HIBCH: variants seen among roughly 807,000 people sequenced by gnomAD.
HIBCH encodes the protein 3-hydroxyisobutyryl-CoA hydrolase, mitochondrial.
A neutral mutation model predicts 58.2 loss-of-function variants in HIBCH; 50 were observed. The observed-to-expected ratio is 0.86, with a 90% confidence interval of 0.68 to 1.09. HIBCH has a LOEUF of 1.09. HIBCH is among the 50% of genes least tolerant of loss of function. The pLI is 0.00. For missense variants in HIBCH, 450 were observed against 449.7 expected (o/e 1.00, Z -0.01); for synonymous variants, 151 against 146.9 (o/e 1.03, Z -0.20).
chr2:190,221,622 T>C (rs1685722786), intron 11 of HIBCH, among the ~76,000 whole-genome samples: 1 of 152,086 alleles, frequency 6.6e-6, no homozygotes, highest in Admixed American at 6.5e-5. Flanking sequence ...CGGTCCAAAG[T>C]GAGAACACAC....
At chr2:190,264,509 T>A (rs1023500426) in intron 6 of HIBCH, among the ~76,000 whole-genome samples, 1 of 152,282 alleles carries the variant, frequency 6.6e-6, no homozygotes, top group East Asian at 1.9e-4. Flanking sequence ...AACAAAGGAT[T>A]AGAGTTTTTT....
Position 190,306,517 on chromosome 2 carries a change from A to G in HIBCH, c.78+4237T>C, listed in dbSNP as rs1688410778. ...GTTTCCCAAATTGCATGACAGTTGTACTGTCATGCAATATACTGCATATGC... is the reference window on the plus strand; with the variant it reads ...GTTTCCCAAATTGCATGACAGTTGTGCTGTCATGCAATATACTGCATATGC... On this transcript the variant is annotated intron_variant, in intron 2 of 13. Coordinates refer to ENST00000359678, the MANE Select transcript of HIBCH (RefSeq NM_014362.4). The surrounding 1 kb of genome is among the most constrained non-coding windows in gnomAD (Gnocchi z 4.6). Among the ~76,000 whole-genome samples the G allele has an allele frequency of 6.6e-6, 1 of 152,128 alleles. No individual in the cohort carries two copies. The highest frequency in any genetic ancestry group is 1.5e-5 in the Non-Finnish European group (1 of 68,034).
intron 6 of HIBCH, among the ~76,000 whole-genome samples, chr2:190,270,977 CAACA>C (rs1193002444): frequency 6.6e-6 from 1 of 151,928 alleles, no homozygotes; most frequent in Non-Finnish European, 1.5e-5. Context: ...TGATATTCAA[CAACA>C]AATAATTGAG....
chr2:190,238,705 C>T lies in HIBCH; in HGVS notation c.891+6182G>A, dbSNP rs566111020. ...GTCCTGAACTCCTGACCTCGTGATC[C>T]GCCCTCTGTGGCCCCCCAAAGTGCT... On this transcript the variant is annotated intron_variant, in intron 11 of 13. Coordinates refer to ENST00000359678, the MANE Select transcript of HIBCH (RefSeq NM_014362.4). Among the ~76,000 whole-genome samples the T allele has an allele frequency of 3.9e-5, 6 of 152,322 alleles. No homozygotes were observed. The South Asian group carries it at 6.2e-4, about 16-fold the overall frequency.
intron 5 of HIBCH, 147 bp from the exon 6 acceptor site, chr2:190,287,785 A>G (rs936365747): frequency 7.6e-5 from 49 of 645,260 alleles, no homozygotes; most frequent in Non-Finnish European, 1.3e-4. Flanking sequence ...TATGGCTTAT[A>G]AAATACATAT....
intron 6 of HIBCH, among the ~76,000 whole-genome samples, chr2:190,265,408 G>A (rs886796127): frequency 6.7e-6 from 1 of 149,650 alleles, no homozygotes; most frequent in African/African-American, 2.5e-5. Flanking sequence ...TTTGTGAAAT[G>A]TCTGTTCTAA....
intron 6 of HIBCH, among the ~76,000 whole-genome samples, chr2:190,268,014 C>T (rs1687289600): frequency 6.6e-6 from 1 of 152,092 alleles, no homozygotes; most frequent in South Asian, 2.1e-4. Flanking sequence ...CATCCTAGGA[C>T]TCAAAAATAT....
At chr2:190,278,588 A>G (rs1195191217) in intron 6 of HIBCH, among the ~76,000 whole-genome samples, 1 of 150,942 alleles carries the variant, frequency 6.6e-6, no homozygotes. Context: ...TTTAGAAAAA[A>G]GTCACAGGAG....
chr2:190,218,796 CA>C (rs1685636714), intron 11 of HIBCH, among the ~76,000 whole-genome samples: 1 of 151,392 alleles, frequency 6.6e-6, no homozygotes, highest in Admixed American at 6.6e-5. Context: ...ATGAGACTTG[CA>C]AAAGTTTATT....
chr2:190,196,868 T>C (rs1162080950), intron 1 of HIBCH, among the ~76,000 whole-genome samples: 1 of 152,192 alleles, frequency 6.6e-6, no homozygotes, highest in Non-Finnish European at 1.5e-5. Context: ...CCATTCAGGA[T>C]GGTATAACAA....
At chr2:190,265,399 TTGTGAAATGTCTGTTCTAATCTTTTGC>T (rs1327108200) in intron 6 of HIBCH, among the ~76,000 whole-genome samples, 1 of 152,084 alleles carries the variant, frequency 6.6e-6, no homozygotes, top group Non-Finnish European at 1.5e-5. Context: ...GGTATCCTCT[TTGTGAAATGTCTGTTCTAATCTTTTGC>T]TGTGAAACGT....
chr2:190,209,038 A>AGGTGGTTCAGTCTCT lies in HIBCH; in HGVS notation c.1012-126_1012-125insAGAGACTGAACCACC. 3 of 799,888 alleles carry AGGTGGTTCAGTCTCT rather than the reference A, an allele frequency of 3.8e-6. No homozygotes were observed. The highest frequency in any genetic ancestry group is 6.4e-6 in the Non-Finnish European group (3 of 470,794). 49.5% of individuals were successfully genotyped at this position (799,888 alleles called of 1,614,324 possible). A position where few individuals can be genotyped will look rare whatever the true frequency, so the allele number is the denominator to read the frequency against. On this transcript the variant is annotated intron_variant, in intron 12 of 13. Transcript: ENST00000359678. This position sits in a 1 kb window ranked among gnomAD's most constrained non-coding sequence, Gnocchi z 5.6. The stretch of plus-strand genomic sequence containing the variant: ...CCACAACCTGAACCATGACATTCAG[A>AGGTGGTTCAGTCTCT]GACTGAACCACCTCTGATAGCCCAC...
intron 11 of HIBCH, among the ~76,000 whole-genome samples, chr2:190,220,943 T>C (rs1685702010): frequency 6.6e-6 from 1 of 152,172 alleles, no homozygotes; most frequent in Non-Finnish European, 1.5e-5. Flanking sequence ...GTTTACTGCT[T>C]ATGGTTTCCA....
intron 6 of HIBCH, among the ~76,000 whole-genome samples, chr2:190,269,537 C>A (rs1003704412): frequency 6.6e-6 from 1 of 152,116 alleles, no homozygotes; most frequent in Non-Finnish European, 1.5e-5. Flanking sequence ...CATCTCACAC[C>A]AGTTAGAATG....
intron 1 of HIBCH, among the ~76,000 whole-genome samples, chr2:190,198,399 G>A (rs1487289089): frequency 6.6e-6 from 1 of 152,074 alleles, no homozygotes; most frequent in Non-Finnish European, 1.5e-5. Flanking sequence ...CAAGCACTTT[G>A]GGAGGCTGAG....
At chr2:190,287,216 C>T (rs1333146012) in intron 6 of HIBCH, among the ~76,000 whole-genome samples, 1 of 152,046 alleles carries the variant, frequency 6.6e-6, no homozygotes, top group African/African-American at 2.4e-5. Context: ...TGTGTGCCAC[C>T]ATGCTCAGCT....
intron 2 of HIBCH, among the ~76,000 whole-genome samples, chr2:190,303,081 C>T (rs936345816): frequency 1.2e-4 from 18 of 152,180 alleles, no homozygotes; most frequent in African/African-American, 4.1e-4. Context: ...CAGAATGAAC[C>T]CTGACCTATG....
Position 190,236,359 on chromosome 2 carries a change from T to C in HIBCH, c.891+8528A>G, listed in dbSNP as rs1393595969. Among the ~76,000 whole-genome samples, 2 of 130,342 alleles carry C rather than the reference T, an allele frequency of 1.5e-5. No individual in the cohort carries two copies. The highest frequency in any genetic ancestry group is 3.3e-5 in the African/African-American group (1 of 30,558). 85.5% of individuals were successfully genotyped at this position (130,342 alleles called of 152,430 possible). A position where few individuals can be genotyped will look rare whatever the true frequency, so the allele number is the denominator to read the frequency against. The stretch of plus-strand genomic sequence containing the variant: ...AAGTGACAAAAGCTCTATTATACTC[T>C]GTTAGTTTTTAATTTTTTAAGCTAG... On this transcript the variant is annotated intron_variant, in intron 11 of 13. Coordinates refer to ENST00000359678, the MANE Select transcript of HIBCH (RefSeq NM_014362.4). The surrounding 1 kb of genome is among the most constrained non-coding windows in gnomAD (Gnocchi z 4.1).
intron 8 of HIBCH, chr2:190,251,625 A>ATATG (rs1559034539): frequency 7.4e-6 from 3 of 402,984 alleles, no homozygotes; most frequent in African/African-American, 2.2e-5. Flanking sequence ...CAAACTATCT[A>ATATG]TATATTCTTT....
Sources: gnomAD v4.1 joint callset for allele counts (sites outside exome capture counted in the v4.1 genomes callset) on GRCh38, gnomAD v4.1.1 for gene constraint, Gnocchi (gnomAD v3.1) non-coding constraint, MANE v1.5 for transcripts, NCBI Gene and HGNC (gene_info 2026-07-23, HGNC 2026-07-21) for gene names.